The following GRK1 variants were observed in gnomAD, a reference collection of about 807,000 sequenced individuals.
GRK1 encodes G protein-coupled receptor kinase 1.
A neutral mutation model predicts 41.7 loss-of-function variants in GRK1; 28 were observed. The observed-to-expected ratio is 0.67, with a 90% confidence interval of 0.50 to 0.92. GRK1 has a LOEUF of 0.92. Ranked by LOEUF, GRK1 falls within the 40% of genes least tolerant of loss-of-function variation. The probability of loss-of-function intolerance (pLI) is 0.00; values close to 1 mark genes in which losing one functional copy is unlikely to be tolerated. For synonymous variants in GRK1, 327 were observed against 286.7 expected (o/e 1.14, Z -1.42); for missense variants, 703 against 671.2 (o/e 1.05, Z -0.52).
intron 4 of GRK1, among the ~76,000 whole-genome samples, chr13:113,728,701 A>G (rs2049912099): frequency 6.6e-6 from 1 of 152,196 alleles, no homozygotes; most frequent in Non-Finnish European, 1.5e-5. Flanking sequence ...CTGAGCCGAG[A>G]CAGGTGGGAT....
intron 4 of GRK1, among the ~76,000 whole-genome samples, chr13:113,728,794 C>A (rs1264096106): frequency 6.6e-6 from 1 of 152,162 alleles, no homozygotes; most frequent in Admixed American, 6.5e-5. Flanking sequence ...AACCTCATCC[C>A]TATGAAGAAG....
chr13:113,663,697 A>G (rs2049801974), upstream of GRK1, among the ~76,000 whole-genome samples: 3 of 152,198 alleles, frequency 2.0e-5, no homozygotes, highest in South Asian at 6.2e-4. Flanking sequence ...CAATGCACAC[A>G]TGGAAAGGTG....
intron 4 of GRK1, among the ~76,000 whole-genome samples, chr13:113,728,107 A>G (rs2049904909): frequency 1.1e-5 from 1 of 93,508 alleles, no homozygotes; most frequent in African/African-American, 5.9e-5. Context: ...CATGGCAATG[A>G]GGAGTACCCA....
At chr13:113,653,612 C>T in the GRK1 span, among the ~76,000 whole-genome samples, 1 of 152,230 alleles carries the variant, frequency 6.6e-6, no homozygotes, top group Non-Finnish European at 1.5e-5. Context: ...AGAATGCAGC[C>T]TGGGTCCCTG....
At chr13:113,733,782 T>C (rs1330909204) in intron 6 of GRK1, among the ~76,000 whole-genome samples, 2 of 142,858 alleles carry the variant, frequency 1.4e-5, no homozygotes, top group Non-Finnish European at 3.0e-5. Flanking sequence ...TGCATACGTG[T>C]GTGCATGTGT....
chr13:113,726,856 T>G (rs1006038205), intron 4 of GRK1, among the ~76,000 whole-genome samples: 1 of 152,224 alleles, frequency 6.6e-6, no homozygotes, highest in Non-Finnish European at 1.5e-5. Flanking sequence ...ATTCAGGGCC[T>G]GTGGTTCTGT....
At chr13:113,658,969 G>A in the GRK1 span, among the ~76,000 whole-genome samples, 8 of 152,294 alleles carry the variant, frequency 5.3e-5, no homozygotes, top group South Asian at 1.5e-3. Flanking sequence ...TGGTGGGAGG[G>A]AGTAAGGCAG....
intron 6 of GRK1, 51 bp downstream of exon 6, chr13:113,733,136 G>A (rs1196551334): frequency 6.7e-7 from 1 of 1,489,338 alleles, no homozygotes; most frequent in Non-Finnish European, 8.9e-7. Flanking sequence ...GTGCTGTGTG[G>A]CCCTTGGGTG....
chr13:113,728,808 G>A (rs1241743895), intron 4 of GRK1, among the ~76,000 whole-genome samples: 3 of 152,210 alleles, frequency 2.0e-5, no homozygotes, highest in Non-Finnish European at 4.4e-5. Context: ...GAAGAAGGAG[G>A]GATGCCCTGG....
At chr13:113,660,233 C>A in the GRK1 span, among the ~76,000 whole-genome samples, 949 of 152,280 alleles carry the variant, frequency 6.2e-3, 15 homozygotes, top group African/African-American at 0.022. Flanking sequence ...TCTCTCCCCC[C>A]ATCTGAGTGG....
At chr13:113,657,237 G>A in the GRK1 span, among the ~76,000 whole-genome samples, 1 of 152,184 alleles carries the variant, frequency 6.6e-6, no homozygotes, top group African/African-American at 2.4e-5. Flanking sequence ...TGGGAATTGA[G>A]GAGGGCCTGA....
At chr13:113,733,662 C>T (rs550954116) in intron 6 of GRK1, among the ~76,000 whole-genome samples, 39,987 of 125,770 alleles carry the variant, frequency 0.32, 6,751 homozygotes, top group Middle Eastern at 0.43. Flanking sequence ...CGTGTGTGTG[C>T]GTGTGTGCAC....
At chr13:113,649,620 C>T in the GRK1 span, 1 of 1,401,654 alleles carries the variant, frequency 7.1e-7, no homozygotes, top group Non-Finnish European at 9.4e-7. This position sits in a 1 kb window ranked among gnomAD's most constrained non-coding sequence, Gnocchi z 4.7. Context: ...TGTCAACAGT[C>T]AGGTTGGTGC....
the GRK1 span, chr13:113,653,287 C>T: frequency 1.2e-4 from 190 of 1,591,978 alleles, no homozygotes; most frequent in African/African-American, 1.7e-3. Context: ...ACCCACCCGC[C>T]GCTTCACACC....
At chr13:113,665,207 T>C (rs2049809847), upstream of GRK1, among the ~76,000 whole-genome samples, 1 of 152,184 alleles carries the variant, frequency 6.6e-6, no homozygotes. Context: ...CTGGAACCAA[T>C]CCCCTGCTGA....
intron 6 of GRK1, among the ~76,000 whole-genome samples, chr13:113,734,009 CGTGCATGTGT>C (rs1459691258): frequency 1.4e-5 from 1 of 72,800 alleles, no homozygotes; most frequent in Non-Finnish European, 2.7e-5. Context: ...TGTGCGTGTG[CGTGCATGTGT>C]GTGCGTGCGT....
At chr13:113,732,562 G>A (rs561888583) in intron 5 of GRK1, among the ~76,000 whole-genome samples, 414 of 152,344 alleles carry the variant, frequency 2.7e-3, no homozygotes, top group African/African-American at 8.2e-3. Context: ...GAGTGAAAAC[G>A]GAGGCTGCTT....
the GRK1 span, among the ~76,000 whole-genome samples, chr13:113,652,193 A>AG: frequency 2.0e-4 from 30 of 152,084 alleles, no homozygotes; most frequent in African/African-American, 6.5e-4. Flanking sequence ...CTGTGCTCCG[A>AG]GGGTGGCAGC....
chr13:113,652,931 G>T, the GRK1 span: 32 of 1,614,042 alleles, frequency 2.0e-5, no homozygotes, highest in African/African-American at 3.6e-4. Context: ...GTTGGGATCC[G>T]CCAGGCCTGA....
Sources: gnomAD v4.1 joint callset for allele counts (sites outside exome capture counted in the v4.1 genomes callset) on GRCh38, gnomAD v4.1.1 for gene constraint, Gnocchi (gnomAD v3.1) non-coding constraint, MANE v1.5 for transcripts, NCBI Gene and HGNC (gene_info 2026-07-23, HGNC 2026-07-21) for gene names.